The following MCPH1 variants were observed in gnomAD, a reference collection of about 807,000 sequenced individuals.
The protein encoded by MCPH1 is microcephalin.
Under a neutral mutation model 84.5 loss-of-function variants are expected in MCPH1, and 104 were observed. The observed-to-expected ratio is 1.23, with a 90% confidence interval of 1.05 to 1.45. The LOEUF is 1.45. MCPH1 is among the 40% of genes most tolerant of loss of function. MCPH1 has a pLI of 0.00. For missense variants in MCPH1, 1,498 were observed against 1,005.7 expected (o/e 1.49, Z -6.62); for synonymous variants, 514 against 366.8 (o/e 1.40, Z -4.58).
chr8:6,527,177 A>G (rs1000524342), intron 12 of MCPH1, among the ~76,000 whole-genome samples: 2 of 152,184 alleles, frequency 1.3e-5, no homozygotes, highest in African/African-American at 4.8e-5. Flanking sequence ...ATAGATTAGC[A>G]TGTAGAATAC....
chr8:6,520,037 G>C lies in MCPH1; in HGVS notation c.2214+20108G>C, dbSNP rs2922899. The C allele has an allele frequency of 1.9e-3, 3,057 of 1,600,078 alleles. 43 individuals carry two copies. The African/African-American group carries it at 0.035, about 18-fold the overall frequency. ...GGCATTTAAACGGAGTTCATGAAAA[G>C]ACAAAGACTTGTTATTTCAAGAGCC... On this transcript the variant is annotated intron_variant, in intron 12 of 13. Transcript: ENST00000344683.
chr8:6,449,079 G>C (rs948515211), intron 8 of MCPH1, among the ~76,000 whole-genome samples: 1 of 152,130 alleles, frequency 6.6e-6, no homozygotes, highest in African/African-American at 2.4e-5. Flanking sequence ...GTTTATTAAG[G>C]CTGATTTGTA....
intron 3 of MCPH1, among the ~76,000 whole-genome samples, chr8:6,429,859 C>A (rs1038667797): frequency 2.6e-5 from 4 of 152,166 alleles, no homozygotes; most frequent in African/African-American, 9.7e-5. Flanking sequence ...ACGACCCCTC[C>A]CTCACACCTG....
chr8:6,573,869 A>G (rs559966541), intron 12 of MCPH1, among the ~76,000 whole-genome samples: 1 of 152,352 alleles, frequency 6.6e-6, no homozygotes, highest in Non-Finnish European at 1.5e-5. Context: ...TACAGTACAC[A>G]TAAGGTGGCC....
At chr8:6,533,569 C>CT (rs56882906) in intron 12 of MCPH1, among the ~76,000 whole-genome samples, 33,496 of 112,632 alleles carry the variant, frequency 0.3, 4,971 homozygotes, top group South Asian at 0.43. Flanking sequence ...CGTTTAGTTT[C>CT]TTTTTTTTTT....
At chr8:6,510,596 T>G (rs1814856087) in intron 12 of MCPH1, among the ~76,000 whole-genome samples, 1 of 152,184 alleles carries the variant, frequency 6.6e-6, no homozygotes, top group Non-Finnish European at 1.5e-5. Context: ...CCATCTTTGT[T>G]TTGGCACTGA....
chr8:6,451,726 T>C (rs564728500), intron 8 of MCPH1, among the ~76,000 whole-genome samples: 1 of 152,374 alleles, frequency 6.6e-6, no homozygotes, highest in South Asian at 2.1e-4. Flanking sequence ...TCTTTTAAGA[T>C]TCTTTCCAGT....
chr8:6,624,893 G>A (rs1486095812), intron 13 of MCPH1: 3 of 866,318 alleles, frequency 3.5e-6, no homozygotes, highest in Admixed American at 1.4e-4. Context: ...TTTTTTTTCT[G>A]AGATGGAGTC....
At chr8:6,541,819 C>A (rs1821629874) in intron 12 of MCPH1, among the ~76,000 whole-genome samples, 1 of 152,084 alleles carries the variant, frequency 6.6e-6, no homozygotes, top group Non-Finnish European at 1.5e-5. Flanking sequence ...GCCTAGGCAA[C>A]ATGGCGAGAC....
rs116818595 is a variant in MCPH1 at position 6,411,266 on chromosome 8, C to A, written c.114+1896C>A. The stretch of plus-strand genomic sequence containing the variant: ...GAAAAGTAACTTAAGCAACTGTTAC[C>A]GTGGTGACATATCCACCAGAAGTTT... On this transcript the variant is annotated intron_variant, in intron 2 of 13. Transcript: ENST00000344683. Among the ~76,000 whole-genome samples the A allele has an allele frequency of 6.1e-3, 922 of 152,188 alleles. 11 individuals carry two copies. Among genetic ancestry groups the A allele is most frequent in the African/African-American group, 0.02 (850 of 41,510 alleles).
In MCPH1 at chr8:6,621,548, C is replaced by T. The variant is rs1085307735; in HGVS notation, c.2309C>T (p.Pro770Leu). The T allele has an allele frequency of 5.6e-6, 9 of 1,614,074 alleles. No individual in the cohort carries two copies. Among genetic ancestry groups the T allele is most frequent in the Non-Finnish European group, 7.6e-6 (9 of 1,180,030 alleles). The stretch of plus-strand genomic sequence containing the variant: ...ATGTTTGTCTCGCCTGCCAGCAGCC[C>T]CCCAGTGGCCAAGCTCTGTGAACTA... ...PAMFVSPASS[P>L]PVAKLCELVH... The change falls in exon 13 of 14, where the codon CCC (proline) becomes CTC (leucine). Residue 770 changes from proline (P) to leucine (L), a missense_variant. Transcript: ENST00000344683.
chr8:6,626,651 C>T, intron 13 of MCPH1: 1 of 984,824 alleles, frequency 1.0e-6, no homozygotes, highest in Non-Finnish European at 1.2e-6. Flanking sequence ...TGCATTTTCC[C>T]CCCAACACTC....
intron 12 of MCPH1, among the ~76,000 whole-genome samples, chr8:6,504,151 T>C (rs569836105): frequency 6.6e-6 from 1 of 151,764 alleles, no homozygotes; most frequent in Non-Finnish European, 1.5e-5. Flanking sequence ...ACCCCGTCTC[T>C]ACTAAAAATA....
intron 12 of MCPH1, among the ~76,000 whole-genome samples, chr8:6,520,657 A>G (rs2129569118): frequency 6.6e-6 from 1 of 152,210 alleles, no homozygotes; most frequent in African/African-American, 2.4e-5. Context: ...CAGCCTCCCA[A>G]AGTGCTGCAA....
At position 6,428,100 on chromosome 8, in the gene MCPH1, T is replaced by TA. The variant is rs566728655; in HGVS notation, c.234-3398dup. The stretch of plus-strand genomic sequence containing the variant: ...CCTCGCCTATACTGTATTTTTTTTT[T>TA]ATTTGGCCTTACTATAGCTTTTTTA... On this transcript the variant is annotated intron_variant, in intron 3 of 13. Coordinates refer to ENST00000344683, the MANE Select transcript of MCPH1 (RefSeq NM_024596.5). 1.5e-3 allele frequency among the ~76,000 whole-genome samples: 224 copies of TA among 152,060 alleles called. 3 individuals carry two copies. In the East Asian group the frequency reaches 0.03, roughly 20 times the overall value.
chr8:6,601,648 C>A (rs1158177554), intron 12 of MCPH1, among the ~76,000 whole-genome samples: 1 of 151,486 alleles, frequency 6.6e-6, no homozygotes, highest in Non-Finnish European at 1.5e-5. Context: ...CATACACATA[C>A]ACACAACACA....
chr8:6,556,403 C>T (rs957118450), intron 12 of MCPH1, among the ~76,000 whole-genome samples: 2 of 152,084 alleles, frequency 1.3e-5, no homozygotes, highest in African/African-American at 4.8e-5. Flanking sequence ...AATTGATTTT[C>T]CTTTTATAAA....
At chr8:6,581,513 G>A (rs144354641) in intron 12 of MCPH1, among the ~76,000 whole-genome samples, 13 of 152,280 alleles carry the variant, frequency 8.5e-5, no homozygotes, top group African/African-American at 2.6e-4. Flanking sequence ...TTATTAGCCT[G>A]TAATTTAAAC....
At position 6,609,322 on chromosome 8, in the gene MCPH1, C is replaced by G. The variant is rs143771066; in HGVS notation, c.2215-12132C>G. On this transcript the variant is annotated intron_variant, in intron 12 of 13. Coordinates refer to ENST00000344683, the MANE Select transcript of MCPH1 (RefSeq NM_024596.5). ...GTGTGCCCACTATCGGGGACAGAAA[C>G]CTACCGCGTTCGAGTTTTGACATAT... 3.6e-4 allele frequency among the ~76,000 whole-genome samples: 55 copies of G among 152,288 alleles called. 1 individual carries two copies. The highest frequency in any genetic ancestry group is 1.2e-3 in the African/African-American group (49 of 41,558).
Sources: allele counts gnomAD v4.1 joint callset (sites outside exome capture counted in the v4.1 genomes callset), GRCh38; gene constraint gnomAD v4.1.1; transcripts MANE v1.5; gene names NCBI Gene and HGNC (gene_info 2026-07-23, HGNC 2026-07-21).